MTMR7: variants seen among roughly 807,000 people sequenced by gnomAD.
MTMR7 encodes the protein phosphatidylinositol-3-phosphate phosphatase MTMR7.
In MTMR7, 76 loss-of-function variants were observed where a neutral mutation model predicts 81.2. The ratio of observed to expected loss-of-function variants is 0.94; its 90% CI spans 0.78 to 1.13. MTMR7 has a LOEUF of 1.13. Ranked by LOEUF, MTMR7 falls within the 50% of genes most tolerant of loss-of-function variation. The probability of loss-of-function intolerance (pLI) is 0.00; values close to 1 mark genes in which losing one functional copy is unlikely to be tolerated. For missense variants in MTMR7, 1,044 were observed against 820.0 expected, an observed-to-expected ratio of 1.27 and a Z score of -3.34; for synonymous variants, 372 against 289.8, an observed-to-expected ratio of 1.28 and a Z score of -2.88.
At chr8:17,310,081 C>T (rs1586153625) in intron 9 of MTMR7, among the ~76,000 whole-genome samples, 1 of 152,060 alleles carries the variant, frequency 6.6e-6, no homozygotes, top group Non-Finnish European at 1.5e-5. Flanking sequence ...GCTCACTACA[C>T]CCTTGACCTC....
At chr8:17,341,222 C>G in intron 6 of MTMR7, 141 bp downstream of exon 6, 4 of 1,081,738 alleles carry the variant, frequency 3.7e-6, no homozygotes, top group Non-Finnish European at 5.2e-6. Context: ...CAGCAGGGTG[C>G]CCAGACACTG....
intron 1 of MTMR7, among the ~76,000 whole-genome samples, chr8:17,412,764 G>A (rs907378556): frequency 1.3e-5 from 2 of 152,144 alleles, no homozygotes; most frequent in Admixed American, 6.5e-5. Context: ...CAGCTGCTAC[G>A]CTCAGGATGA....
intron 1 of MTMR7, among the ~76,000 whole-genome samples, chr8:17,376,851 T>C (rs1820604923): frequency 6.6e-6 from 1 of 152,146 alleles, no homozygotes; most frequent in African/African-American, 2.4e-5. Flanking sequence ...CTTTTTGATA[T>C]GTATTTGGAT....
At chr8:17,315,414 C>CAT (rs34624881) in intron 7 of MTMR7, among the ~76,000 whole-genome samples, 122,182 of 151,838 alleles carry the variant, frequency 0.8, 49,450 homozygotes, top group African/African-American at 0.89. Context: ...ATTTATTAAA[C>CAT]GTGTCAAAAC....
At chr8:17,311,686 G>C in intron 8 of MTMR7, 50 bp from the exon 9 acceptor site, 4 of 1,611,812 alleles carry the variant, frequency 2.5e-6, no homozygotes, top group Non-Finnish European at 3.4e-6. Flanking sequence ...CTGTAAAAAG[G>C]CAGAACCTCT....
Position 17,403,025 on chromosome 8 carries a change from G to T in MTMR7, c.24+10244C>A, listed in dbSNP as rs532004388. Among the ~76,000 whole-genome samples the T allele has an allele frequency of 1.1e-4, 17 of 152,146 alleles. No individual in the cohort carries two copies. In the East Asian group the frequency reaches 3.3e-3, roughly 29 times the overall value. ...ATGTTGAGCACCTTTTCATATACCTGCCTGCCATTTGTATGTCTTCCTTTG... is the reference window on the plus strand; with the variant it reads ...ATGTTGAGCACCTTTTCATATACCTTCCTGCCATTTGTATGTCTTCCTTTG... On this transcript the variant is annotated intron_variant, in intron 1 of 13. Coordinates refer to ENST00000180173, the MANE Select transcript of MTMR7 (RefSeq NM_004686.5).
At chr8:17,316,911 ACT>A (rs1268580047) in intron 7 of MTMR7, among the ~76,000 whole-genome samples, 1 of 151,980 alleles carries the variant, frequency 6.6e-6, no homozygotes, top group East Asian at 1.9e-4. Flanking sequence ...CTGAGGGATG[ACT>A]CTACTGCCAA....
chr8:17,350,538 C>A (rs1819698343), intron 4 of MTMR7, among the ~76,000 whole-genome samples: 1 of 152,164 alleles, frequency 6.6e-6, no homozygotes, highest in Admixed American at 6.5e-5. Context: ...GGGTCCCTCC[C>A]ATGACATGTT....
chr8:17,370,782 T>C (rs985394844), intron 3 of MTMR7, among the ~76,000 whole-genome samples: 4 of 151,796 alleles, frequency 2.6e-5, no homozygotes, highest in African/African-American at 2.4e-5. Flanking sequence ...AAGGAAAGCA[T>C]CCTATAACCC....
Position 17,392,713 on chromosome 8 carries a change from G to C in MTMR7, c.25-19473C>G, listed in dbSNP as rs183547512. On this transcript the variant is annotated intron_variant, in intron 1 of 13. Transcript: ENST00000180173. ...TGCTCCAAAGTCTGGGTGTGAACTA[G>C]AGTTGGGTTACAGGGAGGCATTCTT... Among the ~76,000 whole-genome samples, 4 of 152,338 alleles carry C rather than the reference G, an allele frequency of 2.6e-5. No individual in the cohort carries two copies. The East Asian group carries it at 5.8e-4, about 22-fold the overall frequency.
intron 4 of MTMR7, 131 bp downstream of exon 4, chr8:17,360,986 G>C (rs149515615): frequency 3.9e-6 from 4 of 1,026,756 alleles, no homozygotes; most frequent in Non-Finnish European, 5.7e-6. Context: ...CTAACCAAGA[G>C]AGACCTGGAA....
intron 6 of MTMR7, among the ~76,000 whole-genome samples, chr8:17,339,552 G>C (rs1819347916): frequency 6.6e-6 from 1 of 152,100 alleles, no homozygotes; most frequent in Admixed American, 6.5e-5. Flanking sequence ...ACACTTTCAA[G>C]GTTCCTCCAT....
rs1314019790 is a variant in MTMR7 at position 17,371,065 on chromosome 8, G to A, written c.282C>T (p.Tyr94=). The A allele has an allele frequency of 1.9e-6, 3 of 1,614,110 alleles. No individual in the cohort carries two copies. The Admixed American group carries it at 5.0e-5, about 27-fold the overall frequency. Residue 94 remains tyrosine (Y), a synonymous_variant, in exon 3 of 14, where the codon TAC becomes TAT. Transcript: ENST00000180173. The part of the protein sequence containing the change: ...IPQERDCHDV[Y]ISLIRLARPV... ...GCCTTGCAAGGCGTATCAGGGAGAT[G>A]TACACGTCGTGGCAATCTCTTTCCT... is the stretch of plus-strand genomic sequence containing the variant.
chr8:17,315,033 G>C (rs946889050), intron 7 of MTMR7, among the ~76,000 whole-genome samples: 4 of 127,318 alleles, frequency 3.1e-5, no homozygotes, highest in Admixed American at 3.1e-4. Flanking sequence ...TTAGCCCTGT[G>C]GCCCTTGGGT....
At chr8:17,301,560 G>A (rs1193795679) in intron 13 of MTMR7, 1 of 152,200 alleles carries the variant, frequency 6.6e-6, no homozygotes, top group African/African-American at 2.4e-5. Context: ...TTGTAATAAG[G>A]AAGAGCCAGT....
intron 5 of MTMR7, 99 bp downstream of exon 5, chr8:17,348,854 A>C (rs1819640415): frequency 7.0e-7 from 1 of 1,421,914 alleles, no homozygotes; most frequent in East Asian, 2.3e-5. Context: ...TGAAGAATTC[A>C]AACACACACA....
intron 4 of MTMR7, among the ~76,000 whole-genome samples, chr8:17,355,086 T>G (rs1819848310): frequency 6.6e-6 from 1 of 152,168 alleles, no homozygotes; most frequent in Admixed American, 6.5e-5. Flanking sequence ...TATGCGCTAA[T>G]TCTAGAAGGA....
intron 1 of MTMR7, among the ~76,000 whole-genome samples, chr8:17,393,270 T>C (rs1410295422): frequency 6.6e-6 from 1 of 152,150 alleles, no homozygotes; most frequent in African/African-American, 2.4e-5. Flanking sequence ...TATACAAAAA[T>C]TAACTCAACA....
chr8:17,376,951 T>C (rs887106107), intron 1 of MTMR7, among the ~76,000 whole-genome samples: 2 of 152,134 alleles, frequency 1.3e-5, no homozygotes, highest in African/African-American at 2.4e-5. Context: ...TCCTGCTATA[T>C]GGCCAACTTG....
Sources: gnomAD v4.1 joint callset for allele counts (sites outside exome capture counted in the v4.1 genomes callset) on GRCh38, gnomAD v4.1.1 for gene constraint, MANE v1.5 for transcripts, NCBI Gene and HGNC (gene_info 2026-07-23, HGNC 2026-07-21) for gene names.